The following PRKN variants were observed in gnomAD, a reference collection of about 807,000 sequenced individuals.
The protein encoded by PRKN is E3 ubiquitin-protein ligase parkin.
In PRKN, 56 loss-of-function variants were observed where a neutral mutation model predicts 59.5. The observed-to-expected ratio is 0.94, with a 90% CI of 0.76 to 1.18. The LOEUF is 1.18. PRKN is among the 50% of genes most tolerant of loss of function. The probability of loss-of-function intolerance (pLI) is 0.00; values close to 1 mark genes in which losing one functional copy is unlikely to be tolerated. For synonymous variants in PRKN, 250 were observed against 222.1 expected (o/e 1.13, Z -1.12); for missense variants, 657 against 596.4 (o/e 1.10, Z -1.06).
rs117328693 is a variant in PRKN at position 161,816,517 on chromosome 6, T to C, written c.735-30609A>G. On this transcript the variant is annotated intron_variant, in intron 6 of 11. Transcript: ENST00000366898. ...TGTGTGTTTTATCACACACCACTTA[T>C]ACCTCAGTGAAAAATTTCATGCACA... Among the ~76,000 whole-genome samples the C allele has an allele frequency of 7.0e-3, 1,073 of 152,276 alleles. 5 individuals are homozygous for C. The highest frequency in any genetic ancestry group is 0.012 in the Admixed American group (179 of 15,300).
intron 6 of PRKN, among the ~76,000 whole-genome samples, chr6:161,825,636 T>G (rs1792212373): frequency 6.6e-6 from 1 of 152,156 alleles, no homozygotes; most frequent in African/African-American, 2.4e-5. Flanking sequence ...GAATGAAATC[T>G]CTTGATCTTC....
chr6:162,555,204 AATTTAAAATC>A (rs1436988828), intron 1 of PRKN, among the ~76,000 whole-genome samples: 5 of 152,146 alleles, frequency 3.3e-5, no homozygotes, highest in African/African-American at 1.2e-4. Context: ...TAGAAGGAGG[AATTTAAAATC>A]ATGTCTAGAG....
At chr6:162,007,986 A>G (rs1339123338) in intron 5 of PRKN, among the ~76,000 whole-genome samples, 2 of 152,176 alleles carry the variant, frequency 1.3e-5, no homozygotes, top group African/African-American at 4.8e-5. Flanking sequence ...TCGCTAGGGG[A>G]GCATTTATAA....
rs1386751480 is a variant in PRKN at position 162,341,665 on chromosome 6, C to T, written c.172-78900G>A. On this transcript the variant is annotated intron_variant, in intron 2 of 11. Coordinates refer to ENST00000366898, the MANE Select transcript of PRKN (RefSeq NM_004562.3). ...AGCAAACTAACACAGGCACAGAAAA[C>T]CAAACACTGCATGTTCCCACTCATA... Among the ~76,000 whole-genome samples, 2 of 152,068 alleles carry T rather than the reference C, an allele frequency of 1.3e-5. 1 individual carries two copies. The highest frequency in any genetic ancestry group is 2.9e-5 in the Non-Finnish European group (2 of 68,030).
intron 5 of PRKN, among the ~76,000 whole-genome samples, chr6:161,984,273 T>A (rs929787898): frequency 1.3e-5 from 2 of 152,208 alleles, no homozygotes; most frequent in Admixed American, 1.3e-4. Context: ...ATTTATTTAT[T>A]TTGAGATGGA....
chr6:162,303,031 C>T (rs1214569361), intron 2 of PRKN, among the ~76,000 whole-genome samples: 3 of 149,686 alleles, frequency 2.0e-5, no homozygotes, highest in African/African-American at 7.4e-5. Context: ...AAAGCAGTTA[C>T]GTGACTTTTG....
intron 4 of PRKN, among the ~76,000 whole-genome samples, chr6:162,135,488 T>G (rs562939110): frequency 5.9e-5 from 9 of 152,194 alleles, no homozygotes; most frequent in Admixed American, 1.3e-4. Context: ...TGACATTTAT[T>G]TATACCTACA....
At chr6:162,298,525 A>C (rs1781788341) in intron 2 of PRKN, among the ~76,000 whole-genome samples, 1 of 151,948 alleles carries the variant, frequency 6.6e-6, no homozygotes, top group South Asian at 2.1e-4. Context: ...TGTTTCCCTG[A>C]AGGGAAGGGT....
At chr6:162,308,564 T>C (rs781622648) in intron 2 of PRKN, among the ~76,000 whole-genome samples, 1 of 152,192 alleles carries the variant, frequency 6.6e-6, no homozygotes, top group Non-Finnish European at 1.5e-5. Context: ...GTTCTTTCTG[T>C]TTTGATATTA....
chr6:162,281,268 G>A (rs1780893969), intron 2 of PRKN, among the ~76,000 whole-genome samples: 1 of 152,026 alleles, frequency 6.6e-6, no homozygotes, highest in Non-Finnish European at 1.5e-5. Context: ...GCCTGTCAGG[G>A]GGTGGGGGGC....
intron 1 of PRKN, chr6:162,568,710 A>G: frequency 2.5e-6 from 2 of 785,384 alleles, no homozygotes; most frequent in Non-Finnish European, 4.5e-6. Flanking sequence ...GATGGCTTGG[A>G]GCAACATGGG....
At chr6:162,477,455 T>C (rs914426599) in intron 1 of PRKN, among the ~76,000 whole-genome samples, 1 of 152,176 alleles carries the variant, frequency 6.6e-6, no homozygotes, top group East Asian at 1.9e-4. Context: ...ACTCCTCTTA[T>C]ATCAACAGAA....
intron 6 of PRKN, among the ~76,000 whole-genome samples, chr6:161,835,358 C>A (rs191857719): frequency 6.6e-6 from 1 of 152,160 alleles, no homozygotes; most frequent in African/African-American, 2.4e-5. Context: ...TCACGCAGAA[C>A]CCCCACTCCA....
Position 162,390,318 on chromosome 6 carries a change from T to C in PRKN, c.171+52992A>G, listed in dbSNP as rs1787102474. On this transcript the variant is annotated intron_variant, in intron 2 of 11. Coordinates refer to ENST00000366898, the MANE Select transcript of PRKN (RefSeq NM_004562.3). ...AAATTTTTAGTTTTTTAAAGAAATC[T>C]TTCCAATGATTCTGACTTTTTGGAG... Among the ~76,000 whole-genome samples, 3 of 150,116 alleles carry C rather than the reference T, an allele frequency of 2.0e-5. No individual in the cohort carries two copies. The Admixed American group carries it at 2.0e-4, about 10-fold the overall frequency.
chr6:161,968,649 GATGT>G (rs1780679093), intron 6 of PRKN, among the ~76,000 whole-genome samples: 1 of 151,940 alleles, frequency 6.6e-6, no homozygotes, highest in Non-Finnish European at 1.5e-5. Context: ...TTTGATTAAT[GATGT>G]ATGATTAATA....
At chr6:161,878,370 G>C (rs542879320) in intron 6 of PRKN, among the ~76,000 whole-genome samples, 1 of 152,052 alleles carries the variant, frequency 6.6e-6, no homozygotes, top group Admixed American at 6.5e-5. Flanking sequence ...TGCTTTAAGC[G>C]CCCCAGAAAC....
At chr6:161,737,876 T>C (rs1393899864) in intron 7 of PRKN, among the ~76,000 whole-genome samples, 1 of 152,198 alleles carries the variant, frequency 6.6e-6, no homozygotes, top group African/African-American at 2.4e-5. Context: ...TTCAGAACAC[T>C]CTGCATTACA....
chr6:161,430,853 T>TG (rs1788612248), intron 9 of PRKN, among the ~76,000 whole-genome samples: 1 of 133,052 alleles, frequency 7.5e-6, no homozygotes, highest in Non-Finnish European at 1.6e-5. Flanking sequence ...TACTGAATGC[T>TG]GGCCAGGTGC....
At chr6:162,394,668 T>G (rs1787384904) in intron 2 of PRKN, among the ~76,000 whole-genome samples, 1 of 152,178 alleles carries the variant, frequency 6.6e-6, no homozygotes, top group African/African-American at 2.4e-5. Context: ...CCAAAAGGCT[T>G]ATCTCATGAA....
Sources: gnomAD v4.1 joint callset for allele counts (sites outside exome capture counted in the v4.1 genomes callset) on GRCh38, gnomAD v4.1.1 for gene constraint, MANE v1.5 for transcripts, NCBI Gene and HGNC (gene_info 2026-07-23, HGNC 2026-07-21) for gene names.